Variants in ADAMTSL1 observed in about 807,000 individuals in gnomAD.
ADAMTSL1 encodes ADAMTS like 1.
ADAMTSL1 carries 126 observed loss-of-function variants against 201.8 expected under a neutral mutation model. The ratio of observed to expected loss-of-function variants is 0.62; its 90% CI spans 0.54 to 0.72. The LOEUF (loss-of-function observed/expected upper bound fraction) is 0.72. Ranked by LOEUF, ADAMTSL1 falls within the 30% of genes least tolerant of loss-of-function variation. The pLI, the probability that ADAMTSL1 is intolerant of heterozygous loss-of-function variation, is 0.00. For missense variants in ADAMTSL1, 2,679 were observed against 2,277.8 expected (o/e 1.18, Z -3.59); for synonymous variants, 1,121 against 903.4 (o/e 1.24, Z -4.32).
intron 2 of ADAMTSL1, among the ~76,000 whole-genome samples, chr9:18,195,772 C>T (rs1323798198): frequency 1.3e-5 from 2 of 152,050 alleles, no homozygotes; most frequent in East Asian, 3.9e-4. Flanking sequence ...CACTTGAAAA[C>T]TTGTTTATCT....
At chr9:18,078,187 A>G (rs1304752438) in intron 1 of ADAMTSL1, among the ~76,000 whole-genome samples, 1 of 152,176 alleles carries the variant, frequency 6.6e-6, no homozygotes, top group Non-Finnish European at 1.5e-5. Context: ...CAGTACTTTA[A>G]CAAGCATGAC....
chr9:18,379,652 A>G (rs1039578821), intron 2 of ADAMTSL1, among the ~76,000 whole-genome samples: 1 of 152,228 alleles, frequency 6.6e-6, no homozygotes, highest in Non-Finnish European at 1.5e-5. Flanking sequence ...AAGGCTCTCC[A>G]GGCTGTCTTT....
At chr9:18,679,564 G>T (rs1830325467) in intron 10 of ADAMTSL1, among the ~76,000 whole-genome samples, 2 of 152,100 alleles carry the variant, frequency 1.3e-5, no homozygotes, top group Admixed American at 1.3e-4. Context: ...TTAACTATAT[G>T]TCTACTTTCA....
intron 21 of ADAMTSL1, among the ~76,000 whole-genome samples, chr9:18,821,871 C>T (rs1348054836): frequency 6.6e-6 from 1 of 152,136 alleles, no homozygotes; most frequent in Non-Finnish European, 1.5e-5. Context: ...ATCCAGTTAA[C>T]AAGAATACCC....
At chr9:18,643,017 A>G (rs1827546663) in intron 7 of ADAMTSL1, among the ~76,000 whole-genome samples, 1 of 152,044 alleles carries the variant, frequency 6.6e-6, no homozygotes, top group Non-Finnish European at 1.5e-5. Flanking sequence ...ACTGTTTTCT[A>G]CAATGGCTGA....
chr9:18,896,328 C>G (rs768557117), intron 26 of ADAMTSL1, among the ~76,000 whole-genome samples: 2 of 152,096 alleles, frequency 1.3e-5, no homozygotes, highest in Non-Finnish European at 2.9e-5. Context: ...AAAAGCAACT[C>G]ATTGTGTACA....
Position 18,777,680 on chromosome 9 carries a change from G to C in ADAMTSL1, c.3451G>C (p.Gly1151Arg), listed in dbSNP as rs1821141098. 5.6e-6 allele frequency: 9 copies of C among 1,613,054 alleles called. No individual in the cohort carries two copies. Among genetic ancestry groups the C allele is most frequent in the African/African-American group, 1.3e-5 (1 of 74,930 alleles). The change falls in exon 19 of 29, where the codon GGG (glycine) becomes CGG (arginine). Residue 1151 changes from glycine (G) to arginine (R), a missense_variant. Physicochemically the swap from Gly to Arg is moderately radical, Grantham distance 125 (BLOSUM62 -2). Transcript: ENST00000380548. ...FSSSLRTSST[G>R]DAGGGSRRPH... is the part of the protein sequence containing the mutation. Reference sequence around the variant, plus strand: ...CAGCTCCCTGCGGACCTCCTCCACCGGGGACGCCGGGGGAGGCTCTCGAAG... The same window carrying C: ...CAGCTCCCTGCGGACCTCCTCCACCCGGGACGCCGGGGGAGGCTCTCGAAG...
chr9:18,752,802 C>A (rs1390179822), intron 15 of ADAMTSL1, among the ~76,000 whole-genome samples: 4 of 152,182 alleles, frequency 2.6e-5, no homozygotes, highest in Non-Finnish European at 4.4e-5. Context: ...CGTTTCTATG[C>A]AGCAATGGAA....
chr9:18,753,642 T>C (rs1819589859), intron 16 of ADAMTSL1, 134 bp downstream of exon 16: 1 of 983,930 alleles, frequency 1.0e-6, no homozygotes, highest in African/African-American at 1.6e-5. Context: ...CCCTTCTTAG[T>C]ACTCCCCTAA....
chr9:18,511,830 T>G (rs1818041083), intron 2 of ADAMTSL1, among the ~76,000 whole-genome samples: 1 of 152,224 alleles, frequency 6.6e-6, no homozygotes, highest in African/African-American at 2.4e-5. Context: ...AAGATTTTGC[T>G]TCTTAAACAA....
chr9:18,614,990 C>A (rs1253316344), intron 4 of ADAMTSL1, among the ~76,000 whole-genome samples: 1 of 151,924 alleles, frequency 6.6e-6, no homozygotes, highest in Non-Finnish European at 1.5e-5. Flanking sequence ...AGCTAAAAGA[C>A]CTGAGTTTGC....
intron 2 of ADAMTSL1, among the ~76,000 whole-genome samples, chr9:18,354,525 G>C (rs953287963): frequency 5.3e-5 from 8 of 152,102 alleles, no homozygotes; most frequent in African/African-American, 1.9e-4. Flanking sequence ...CTGACATGTA[G>C]TAATAATGAA....
intron 17 of ADAMTSL1, among the ~76,000 whole-genome samples, chr9:18,771,734 GGA>G (rs1820702819): frequency 4.1e-5 from 1 of 24,204 alleles, no homozygotes; most frequent in Non-Finnish European, 7.9e-5. Context: ...TTTTTTTTTT[GGA>G]TAGTATACAA....
intron 1 of ADAMTSL1, among the ~76,000 whole-genome samples, chr9:18,147,340 A>G (rs1247987108): frequency 6.6e-6 from 1 of 152,120 alleles, no homozygotes; most frequent in Non-Finnish European, 1.5e-5. Flanking sequence ...TTAGTTAATC[A>G]GGAAAAAAGG....
intron 2 of ADAMTSL1, among the ~76,000 whole-genome samples, chr9:18,321,343 A>G (rs10810954): frequency 0.34 from 51,543 of 151,778 alleles, 9,207 homozygotes; most frequent in Admixed American, 0.51. Context: ...AAAGGTAAAA[A>G]TCTACAAACA....
At chr9:18,877,867 C>G (rs1828268139) in intron 23 of ADAMTSL1, among the ~76,000 whole-genome samples, 1 of 152,124 alleles carries the variant, frequency 6.6e-6, no homozygotes, top group Admixed American at 6.5e-5. Flanking sequence ...CTTCAGCTAC[C>G]AGGGCCGGTA....
intron 2 of ADAMTSL1, among the ~76,000 whole-genome samples, chr9:18,218,355 A>G (rs980489116): frequency 6.6e-6 from 1 of 152,188 alleles, no homozygotes; most frequent in South Asian, 2.1e-4. Context: ...TATTAAGTCC[A>G]TGCTATTTGG....
chr9:18,667,765 A>G (rs7029420), intron 9 of ADAMTSL1, among the ~76,000 whole-genome samples: 19,419 of 152,168 alleles, frequency 0.13, 1,403 homozygotes, highest in Middle Eastern at 0.17. Context: ...CTCATCCATG[A>G]AAGGAAAAGA....
chr9:18,177,416 A>G (rs559838694), intron 2 of ADAMTSL1, among the ~76,000 whole-genome samples: 46 of 152,318 alleles, frequency 3.0e-4, no homozygotes, highest in African/African-American at 1.0e-3. Flanking sequence ...ACGTTGCGTC[A>G]TTTAATATTA....
Sources: gnomAD v4.1 joint callset for allele counts (sites outside exome capture counted in the v4.1 genomes callset) on GRCh38, gnomAD v4.1.1 for gene constraint, MANE v1.5 for transcripts, NCBI Gene and HGNC (gene_info 2026-07-23, HGNC 2026-07-21) for gene names.